The following TRIM77 variants were observed in gnomAD, a reference collection of about 807,000 sequenced individuals.
The protein encoded by TRIM77 is tripartite motif containing 77.
In TRIM77, 23 loss-of-function variants were observed where a neutral mutation model predicts 31.8. That is an observed-to-expected ratio of 0.72 (90% CI 0.52 to 1.02). The LOEUF is 1.02. TRIM77 is among the 50% of genes least tolerant of loss of function. The pLI is 0.00. For synonymous variants in TRIM77, 159 were observed against 183.1 expected, an observed-to-expected ratio of 0.87 and a Z score of 1.06; for missense variants, 446 against 539.2, an observed-to-expected ratio of 0.83 and a Z score of 1.71.
At chr11:89,717,337 T>C in intron 5 of TRIM77, 42 bp from the exon 6 acceptor site, 1 of 1,489,058 alleles carries the variant, frequency 6.7e-7, no homozygotes, top group South Asian at 1.4e-5. Context: ...CCTCCAAACT[T>C]TTAAACTGTT....
chr11:89,717,574 A>AT lies in TRIM77; in HGVS notation c.1057dup (p.Trp353LeufsTer15). On this transcript the variant is annotated frameshift_variant, in exon 6 of 6. Coordinates refer to ENST00000398290, the MANE Select transcript of TRIM77 (RefSeq NM_001146162.1). LOFTEE classifies it low-confidence loss of function (END_TRUNC). ...GAGGTGGATGTGAAAGACTCTTGTA[A>AT]TTGGGTTATAGGACTTTGCAGAGAA... 6.4e-7 allele frequency: 1 copy of AT among 1,551,492 alleles called. No individual in the cohort carries two copies. Among genetic ancestry groups the AT allele is most frequent in the Non-Finnish European group, 8.7e-7 (1 of 1,146,894 alleles).
rs1396069214 is a variant in TRIM77 at position 89,717,832 on chromosome 11, A to G, written c.1313A>G (p.Tyr438Cys). 7 of 1,548,556 alleles carry G rather than the reference A, an allele frequency of 4.5e-6. No homozygotes were observed. The Admixed American group carries it at 7.9e-5, about 17-fold the overall frequency. ...LICSFLSRIF[Y>C]FPLRPFICHG... ...TGTAGTTTCCTCTCACGCATCTTCTATTTTCCTCTCAGACCTTTCATTTGC... is the reference window on the plus strand; with the variant it reads ...TGTAGTTTCCTCTCACGCATCTTCTGTTTTCCTCTCAGACCTTTCATTTGC... The change falls in exon 6 of 6, where the codon TAT becomes TGT. Residue 438 changes from tyrosine to cysteine, a missense_variant. Physicochemically the swap from Tyr to Cys is radical, Grantham distance 194. Coordinates refer to ENST00000398290, the MANE Select transcript of TRIM77 (RefSeq NM_001146162.1).
chr11:89,716,263 T>C (rs1488126483), intron 5 of TRIM77, among the ~76,000 whole-genome samples: 1 of 152,170 alleles, frequency 6.6e-6, no homozygotes, highest in East Asian at 1.9e-4. Flanking sequence ...GGAGGAATGC[T>C]ATAAATAAAG....
Position 89,714,294 on chromosome 11 carries a change from G to A in TRIM77, c.610G>A (p.Glu204Lys). Reference sequence around the variant, plus strand: ...AAAGCACGTAGAGAGCCTGGCAAGAGAAGGCAGGATAATTTTTCAGCAACT... The same window carrying A: ...AAAGCACGTAGAGAGCCTGGCAAGAAAAGGCAGGATAATTTTTCAGCAACT... ...EQKHVESLAR[E>K]GRIIFQQLKR... Residue 204 changes from glutamate to lysine, a missense_variant, in exon 3 of 6, where the codon GAA (glutamate) becomes AAA (lysine). Glu to Lys is a moderately conservative substitution (Grantham distance 56, BLOSUM62 1). Transcript: ENST00000398290. 1 of 1,551,644 alleles carries A rather than the reference G, an allele frequency of 6.4e-7. No individual in the cohort carries two copies. The highest frequency in any genetic ancestry group is 8.7e-7 in the Non-Finnish European group (1 of 1,146,906).
intron 4 of TRIM77, among the ~76,000 whole-genome samples, chr11:89,715,460 A>G (rs1219362224): frequency 1.3e-5 from 2 of 152,160 alleles, no homozygotes; most frequent in African/African-American, 4.8e-5. Flanking sequence ...CAGGTTGTCA[A>G]TGGGAAAGGC....
In TRIM77 at chr11:89,715,172, A is replaced by G; in HGVS notation, c.753A>G (p.Val251=). ...TCTCTTTATAGGATTTGGGAGACGT[A>G]ATGAAAAGGTAAGTTTGCCCCTCTA... The part of the protein sequence containing the change: ...DVNLPQDLGD[V]MKRNEFLRLA... The change falls in exon 4 of 6, where the codon GTA becomes GTG. Residue 251 remains valine (V), a synonymous_variant. Transcript: ENST00000398290. 1 of 1,551,702 alleles carries G rather than the reference A, an allele frequency of 6.4e-7. No homozygotes were observed. The highest frequency in any genetic ancestry group is 8.7e-7 in the Non-Finnish European group (1 of 1,146,832).
Position 89,717,731 on chromosome 11 carries a change from A to G in TRIM77, c.1212A>G (p.Gln404=), listed in dbSNP as rs572678402. The change falls in exon 6 of 6, where the codon CAA becomes CAG. Residue 404 remains glutamine, a synonymous_variant. Coordinates refer to ENST00000398290, the MANE Select transcript of TRIM77 (RefSeq NM_001146162.1). The stretch of plus-strand genomic sequence containing the variant: ...TACCTCACTATATTCCAAGGCCCCA[A>G]GGCTGGCTAGGGGTGTTCCTGGATT... ...PLLPHYIPRP[Q]GWLGVFLDYE... is the part of the protein sequence containing the mutation. 27 of 1,551,264 alleles carry G rather than the reference A, an allele frequency of 1.7e-5. No homozygotes were observed. The African/African-American group carries it at 2.9e-4, about 16-fold the overall frequency.
chr11:89,712,579 A>G (rs910349416), intron 2 of TRIM77, among the ~76,000 whole-genome samples: 2 of 152,248 alleles, frequency 1.3e-5, no homozygotes, highest in African/African-American at 4.8e-5. Flanking sequence ...AAAGTGCAGA[A>G]GAAATGAATC....
rs1275100748 is a variant in TRIM77 at position 89,714,130 on chromosome 11, G to T, written c.508-62G>T. 1.1e-5 allele frequency: 12 copies of T among 1,082,972 alleles called. No homozygotes were observed. The Admixed American group carries it at 2.3e-4, about 21-fold the overall frequency. The allele number at this position is 1,082,972 out of a possible 1,614,324, so 67.1% of individuals were successfully genotyped here. A position where few individuals can be genotyped will look rare whatever the true frequency, so the allele number is the denominator to read the frequency against. Reference sequence around the variant, plus strand: ...ACAAAACATGAAACAAAGCAGAATAGCTGATAAGGAAAGAATAAAACCACT... The same window carrying T: ...ACAAAACATGAAACAAAGCAGAATATCTGATAAGGAAAGAATAAAACCACT... On this transcript the variant is annotated intron_variant, in intron 2 of 5. Transcript: ENST00000398290.
intron 4 of TRIM77, 140 bp downstream of exon 4, chr11:89,715,320 A>G (rs1287921821): frequency 8.1e-6 from 6 of 745,090 alleles, no homozygotes; most frequent in South Asian, 2.1e-5. Flanking sequence ...GGCTTTATAT[A>G]TTGACTACTT....
chr11:89,710,794 T>G (rs1162227483), intron 1 of TRIM77, 85 bp downstream of exon 1: 9 of 1,143,326 alleles, frequency 7.9e-6, no homozygotes, highest in Middle Eastern at 2.4e-4. Context: ...TTATCATTAT[T>G]GTTATTAATA....
chr11:89,717,727 C>T lies in TRIM77; in HGVS notation c.1208C>T (p.Pro403Leu). ...SPLLPHYIPR[P>L]QGWLGVFLDY... The stretch of plus-strand genomic sequence containing the variant: ...CTGTTACCTCACTATATTCCAAGGC[C>T]CCAAGGCTGGCTAGGGGTGTTCCTG... The change falls in exon 6 of 6, where the codon CCC becomes CTC. Residue 403 changes from proline (P) to leucine (L), a missense_variant. Coordinates refer to ENST00000398290, the MANE Select transcript of TRIM77 (RefSeq NM_001146162.1). 6.4e-7 allele frequency: 1 copy of T among 1,551,234 alleles called. No individual in the cohort carries two copies. Among genetic ancestry groups the T allele is most frequent in the Non-Finnish European group, 8.7e-7 (1 of 1,146,706 alleles).
At position 89,711,349 on chromosome 11, in the gene TRIM77, A is replaced by G. The variant is rs1949120790; in HGVS notation, c.412-61A>G. ...GTCCCATGTCTGTACCTCTTTTGGTAGTATCTGAAATATACTATATTTTCT... is the reference window on the plus strand; with the variant it reads ...GTCCCATGTCTGTACCTCTTTTGGTGGTATCTGAAATATACTATATTTTCT... On this transcript the variant is annotated intron_variant, in intron 1 of 5. Transcript: ENST00000398290. 3.1e-5 allele frequency: 25 copies of G among 815,214 alleles called. No individual in the cohort carries two copies. The South Asian group carries it at 4.6e-4, about 15-fold the overall frequency. The allele number at this position is 815,214 out of a possible 1,614,324, so 50.5% of individuals were successfully genotyped here.
intron 5 of TRIM77, among the ~76,000 whole-genome samples, chr11:89,717,035 C>T (rs1949166157): frequency 6.6e-6 from 1 of 151,582 alleles, no homozygotes; most frequent in South Asian, 2.1e-4. Context: ...ATTAAAGATT[C>T]ATTTGCCCTG....
intron 1 of TRIM77, among the ~76,000 whole-genome samples, chr11:89,711,035 A>T (rs1753398687): frequency 6.6e-6 from 1 of 152,206 alleles, no homozygotes; most frequent in Admixed American, 6.5e-5. Flanking sequence ...TGGCTAACAC[A>T]GTCATGATTG....
intron 2 of TRIM77, 21 bp from the exon 3 acceptor site, chr11:89,714,171 A>G: frequency 6.7e-7 from 1 of 1,484,204 alleles, no homozygotes; most frequent in Non-Finnish European, 9.1e-7. Flanking sequence ...ACATGATTTA[A>G]TTAATCAACT....
At chr11:89,711,985 T>C (rs576400424) in intron 2 of TRIM77, among the ~76,000 whole-genome samples, 1 of 152,314 alleles carries the variant, frequency 6.6e-6, no homozygotes, top group Admixed American at 6.5e-5. Flanking sequence ...GAGTAACTCC[T>C]CTTGATTAAT....
Position 89,710,475 on chromosome 11 carries a change from A to G in TRIM77, c.177A>G (p.Ser59=). The G allele has an allele frequency of 6.4e-7, 1 of 1,551,552 alleles. No individual in the cohort carries two copies. Among genetic ancestry groups the G allele is most frequent in the Non-Finnish European group, 8.7e-7 (1 of 1,146,822 alleles). ...PNCCPVCREI[S]QQMYFKRIIF... ...GCTGCCCTGTGTGCAGGGAAATATC[A>G]CAGCAAATGTACTTCAAACGCATTA... The change falls in exon 1 of 6, where the codon TCA becomes TCG. Residue 59 remains serine (S), a synonymous_variant. Coordinates refer to ENST00000398290, the MANE Select transcript of TRIM77 (RefSeq NM_001146162.1).
chr11:89,711,616 G>A (rs918162763), intron 2 of TRIM77, 111 bp downstream of exon 2: 1 of 631,284 alleles, frequency 1.6e-6, no homozygotes, highest in Non-Finnish European at 2.8e-6. Context: ...TCAGAAAAAG[G>A]ACCTACATGT....
Sources: allele counts gnomAD v4.1 joint callset (sites outside exome capture counted in the v4.1 genomes callset), GRCh38; gene constraint gnomAD v4.1.1; transcripts MANE v1.5; gene names NCBI Gene and HGNC (gene_info 2026-07-23, HGNC 2026-07-21).